Variants in CASK observed in about 807,000 individuals in gnomAD.
The protein encoded by CASK is calcium/calmodulin dependent serine protein kinase.
CASK carries 4 observed loss-of-function variants against 82.9 expected under a neutral mutation model. The ratio of observed to expected loss-of-function variants is 0.05; its 90% CI spans 0.02 to 0.11. CASK has a LOEUF of 0.11. Ranked by LOEUF, CASK falls within the 10% of genes least tolerant of loss-of-function variation. CASK has a pLI of 1.00. For missense variants in CASK, 358 were observed against 720.9 expected (o/e 0.50, Z 5.76); for synonymous variants, 259 against 253.5 (o/e 1.02, Z -0.20).
chrX:41,627,741 G>A (rs1212602634), intron 9 of CASK, among the ~76,000 whole-genome samples: 2 of 112,737 alleles, frequency 1.8e-5, no homozygotes, highest in South Asian at 3.6e-4. Context: ...GGTGGCTCAC[G>A]CCTGCAATCC....
chrX:41,622,778 G>A (rs1254042518), intron 10 of CASK, 144 bp from the exon 11 acceptor site: 7 of 378,065 alleles, frequency 1.9e-5, no homozygotes, highest in African/African-American at 2.6e-5. Flanking sequence ...CATGTTCCAT[G>A]AGTACAATCA....
chrX:41,599,491 AG>A (rs2065865947), intron 12 of CASK, among the ~76,000 whole-genome samples: 1 of 112,334 alleles, frequency 8.9e-6, no homozygotes, highest in Non-Finnish European at 1.9e-5. Context: ...TGACAGCAAA[AG>A]AACCTCTAAG....
At chrX:41,863,504 A>C (rs1191048034) in intron 1 of CASK, among the ~76,000 whole-genome samples, 1 of 112,496 alleles carries the variant, frequency 8.9e-6, no homozygotes. Context: ...TTAAGGTACA[A>C]TATCTTGTGG....
chrX:41,784,161 C>T (rs1310129346), intron 3 of CASK, among the ~76,000 whole-genome samples: 2 of 111,994 alleles, frequency 1.8e-5, no homozygotes, highest in South Asian at 3.8e-4. Context: ...ACTACAATCA[C>T]CCATCTCCAC....
intron 2 of CASK, among the ~76,000 whole-genome samples, chrX:41,806,640 C>T (rs2070130342): frequency 1.8e-5 from 2 of 111,661 alleles, no homozygotes; most frequent in Admixed American, 1.9e-4. Flanking sequence ...AGTGGAATAT[C>T]CTGGAGCTTT....
intron 8 of CASK, among the ~76,000 whole-genome samples, chrX:41,647,972 G>A (rs1331093931): frequency 8.9e-6 from 1 of 111,997 alleles, no homozygotes. Flanking sequence ...CTTGAAAAAA[G>A]AACAGGATAA....
At chrX:41,640,499 G>T (rs1205106083) in intron 8 of CASK, among the ~76,000 whole-genome samples, 4 of 111,487 alleles carry the variant, frequency 3.6e-5, no homozygotes, top group African/African-American at 1.3e-4. Context: ...ACCGCACCTG[G>T]CCTCCATTGT....
intron 14 of CASK, among the ~76,000 whole-genome samples, chrX:41,580,415 A>G (rs993063934): frequency 9.0e-6 from 1 of 111,118 alleles, no homozygotes; most frequent in Non-Finnish European, 1.9e-5. Flanking sequence ...TCCTGAGCTC[A>G]TGCAATTCAC....
intron 14 of CASK, among the ~76,000 whole-genome samples, 176 bp from the exon 15 acceptor site, chrX:41,578,704 G>T (rs1426352690): frequency 1.8e-5 from 2 of 111,032 alleles, no homozygotes; most frequent in Non-Finnish European, 3.8e-5. Context: ...TCCTTCCTTT[G>T]CAGCCTTCTG....
intron 2 of CASK, among the ~76,000 whole-genome samples, chrX:41,836,055 G>A (rs1014059429): frequency 9.0e-6 from 1 of 111,116 alleles, no homozygotes; most frequent in East Asian, 2.8e-4. Flanking sequence ...AAAACCATTA[G>A]GAAAAACAGC....
At position 41,721,046 on chromosome X, in the gene CASK, A is replaced by G. The variant is rs1331921182; in HGVS notation, c.429+18338T>C. 6.2e-5 allele frequency among the ~76,000 whole-genome samples: 7 copies of G among 112,054 alleles called. No homozygotes were observed. In the Admixed American group the frequency reaches 6.6e-4, roughly 11 times the overall value. ...CTCAAGGAAGTAAATCCTAAGGGTG[A>G]CAGCAGAACACTTAGGAGATCAATA... is the stretch of plus-strand genomic sequence containing the variant. On this transcript the variant is annotated intron_variant, in intron 5 of 26. Coordinates refer to ENST00000378163, the MANE Select transcript of CASK (RefSeq NM_001367721.1).
chrX:41,737,648 T>C (rs1464811162), intron 5 of CASK, among the ~76,000 whole-genome samples: 1 of 112,660 alleles, frequency 8.9e-6, no homozygotes, highest in East Asian at 2.8e-4. Flanking sequence ...GACTACATTA[T>C]TGAAAGTATT....
chrX:41,657,742 T>TA (rs1466043434), intron 8 of CASK, among the ~76,000 whole-genome samples: 1 of 111,112 alleles, frequency 9.0e-6, no homozygotes, highest in African/African-American at 3.3e-5. Context: ...TATATTTTTT[T>TA]AATGTAAGGA....
chrX:41,923,005 C>T lies in CASK; in HGVS notation c.-17G>A. The T allele has an allele frequency of 8.3e-7, 1 of 1,205,786 alleles. No homozygotes were observed. Among genetic ancestry groups the T allele is most frequent in the Non-Finnish European group, 1.1e-6 (1 of 890,441 alleles). On this transcript the variant is annotated 5_prime_UTR_variant, in exon 1 of 27. Transcript: ENST00000378163. ...GTCGGCCATGGTCCGGAGGGGATAG[C>T]GGCCGCAGCGTGGAGGGCTTCGAAA...
At chrX:41,725,042 C>A (rs2068234523) in intron 5 of CASK, among the ~76,000 whole-genome samples, 2 of 111,569 alleles carry the variant, frequency 1.8e-5, no homozygotes, top group South Asian at 7.3e-4. Context: ...TATATTTATA[C>A]CAGGGTCTAC....
At chrX:41,787,922 G>C (rs956089310) in intron 2 of CASK, among the ~76,000 whole-genome samples, 2 of 110,602 alleles carry the variant, frequency 1.8e-5, no homozygotes, top group African/African-American at 6.6e-5. Context: ...TTGGGAGGCC[G>C]AGACAGGTGG....
intron 2 of CASK, among the ~76,000 whole-genome samples, chrX:41,817,518 C>T (rs1029474715): frequency 3.6e-5 from 4 of 111,690 alleles, no homozygotes; most frequent in African/African-American, 6.5e-5. Flanking sequence ...ATTAGAACTA[C>T]AGGTTGAATA....
At chrX:41,694,899 GT>G (rs1324145635) in intron 5 of CASK, among the ~76,000 whole-genome samples, 1 of 111,957 alleles carries the variant, frequency 8.9e-6, no homozygotes, top group Non-Finnish European at 1.9e-5. Context: ...AGCAATACAT[GT>G]CAAAATGAAT....
intron 1 of CASK, among the ~76,000 whole-genome samples, chrX:41,888,620 A>ATT (rs1033164989): frequency 9.3e-6 from 1 of 107,378 alleles, no homozygotes; most frequent in Non-Finnish European, 1.9e-5. Context: ...GTAGTATTCC[A>ATT]TTATATATAT....
Sources: allele counts gnomAD v4.1 joint callset (sites outside exome capture counted in the v4.1 genomes callset), GRCh38; gene constraint gnomAD v4.1.1; transcripts MANE v1.5; gene names NCBI Gene and HGNC (gene_info 2026-07-23, HGNC 2026-07-21).